HSD11B1: variants seen among roughly 807,000 people sequenced by gnomAD.
The protein encoded by HSD11B1 is 11-beta-hydroxysteroid dehydrogenase 1.
In HSD11B1, 15 loss-of-function variants were observed where a neutral mutation model predicts 22.1. That is an observed-to-expected ratio of 0.68 (90% CI 0.45 to 1.04). The LOEUF (loss-of-function observed/expected upper bound fraction) is 1.04, where lower values mean the gene tolerates loss of function less well. Ranked by LOEUF, HSD11B1 falls within the 50% of genes least tolerant of loss-of-function variation. The pLI is 0.00. For synonymous variants in HSD11B1, 122 were observed against 125.2 expected (o/e 0.97, Z 0.17); for missense variants, 281 against 357.6 (o/e 0.79, Z 1.73).
chr1:209,707,024 A>G lies in HSD11B1; in HGVS notation c.413A>G (p.Lys138Arg). ...LFHDDIHHVR[K>R]SMEVNFLSYV... is the part of the protein sequence containing the mutation. ...CATGATGATATTCACCATGTGCGCA[A>G]AAGCATGGAAGTCAACTTCCTCAGT... is the stretch of plus-strand genomic sequence containing the variant. The change falls in exon 4 of 6, where the codon AAA becomes AGA. Residue 138 changes from lysine (K) to arginine (R), a missense_variant. Transcript: ENST00000367027. 6.2e-7 allele frequency: 1 copy of G among 1,614,092 alleles called. No individual in the cohort carries two copies. Among genetic ancestry groups the G allele is most frequent in the Non-Finnish European group, 8.5e-7 (1 of 1,179,952 alleles).
At chr1:209,706,000 T>A in intron 2 of HSD11B1, 59 bp downstream of exon 2, 1 of 1,598,968 alleles carries the variant, frequency 6.3e-7, no homozygotes, top group Non-Finnish European at 8.6e-7. Context: ...TGTTCTTATA[T>A]ATGCTCACAT....
chr1:209,703,783 A>C (rs1173254518), upstream of HSD11B1, among the ~76,000 whole-genome samples: 1 of 152,172 alleles, frequency 6.6e-6, no homozygotes, highest in East Asian at 1.9e-4. Context: ...CGCTCTACTG[A>C]TAACTTACAG....
At position 209,732,584 on chromosome 1, in the gene HSD11B1, G is replaced by A. The variant is rs753421361; in HGVS notation, c.661+5G>A. On this transcript the variant is annotated splice_donor_5th_base_variant and intron_variant, in intron 5 of 5. Coordinates refer to ENST00000367027, the MANE Select transcript of HSD11B1 (RefSeq NM_005525.4). The stretch of plus-strand genomic sequence containing the variant: ...TTCTTGGCCTCATAGACACAGGTAA[G>A]GTCAATACTTTGTGTTTTTTTTTAA... 1.2e-6 allele frequency: 2 copies of A among 1,611,678 alleles called. No individual in the cohort carries two copies. The highest frequency in any genetic ancestry group is 1.7e-6 in the Non-Finnish European group (2 of 1,177,952).
chr1:209,709,023 T>A (rs974351177), intron 4 of HSD11B1, among the ~76,000 whole-genome samples: 8 of 152,240 alleles, frequency 5.3e-5, no homozygotes, highest in African/African-American at 1.9e-4. Context: ...GAATATTCTC[T>A]GCTTTATGAT....
Position 209,734,477 on chromosome 1 carries a change from C to T in HSD11B1, c.835C>T (p.Leu279Phe). Reference sequence around the variant, plus strand: ...TCCATGCAGGAAGATCCTGGAATTTCTCTACTCAACGAGCTATAATATGGA... The same window carrying T: ...TCCATGCAGGAAGATCCTGGAATTTTTCTACTCAACGAGCTATAATATGGA... ...RNPCRKILEF[L>F]YSTSYNMDRF... The change falls in exon 6 of 6, where the codon CTC (leucine) becomes TTC (phenylalanine). Residue 279 changes from leucine to phenylalanine, a missense_variant. Coordinates refer to ENST00000367027, the MANE Select transcript of HSD11B1 (RefSeq NM_005525.4). The T allele has an allele frequency of 6.2e-7, 1 of 1,614,076 alleles. No homozygotes were observed. Among genetic ancestry groups the T allele is most frequent in the East Asian group, 2.2e-5 (1 of 44,874 alleles).
At chr1:209,711,823 G>T (rs2076897871) in intron 4 of HSD11B1, among the ~76,000 whole-genome samples, 1 of 152,196 alleles carries the variant, frequency 6.6e-6, no homozygotes, top group Non-Finnish European at 1.5e-5. Context: ...TAGGAATTCA[G>T]TTCTGCATCA....
Position 209,732,892 on chromosome 1 carries a change from C to T in HSD11B1, c.661+313C>T, listed in dbSNP as rs138044312. Among the ~76,000 whole-genome samples the T allele has an allele frequency of 2.6e-5, 4 of 152,240 alleles. 1 individual carries two copies. The highest frequency in any genetic ancestry group is 9.6e-5 in the African/African-American group (4 of 41,532). ...TAATGACCTGCAGATGAACTGTCTG[C>T]CTTACCATTGTGGATAAACAAGGGT... is the stretch of plus-strand genomic sequence containing the variant. On this transcript the variant is annotated intron_variant, in intron 5 of 5. Transcript: ENST00000367027.
At chr1:209,709,795 G>A (rs1246231771) in intron 4 of HSD11B1, among the ~76,000 whole-genome samples, 2 of 152,240 alleles carry the variant, frequency 1.3e-5, no homozygotes, top group Non-Finnish European at 2.9e-5. Flanking sequence ...AAGGGAACAT[G>A]TGTCCAACTA....
chr1:209,707,033 A>G lies in HSD11B1; in HGVS notation c.422A>G (p.Glu141Gly), dbSNP rs772708921. 2.5e-6 allele frequency: 4 copies of G among 1,614,124 alleles called. No homozygotes were observed. Among genetic ancestry groups the G allele is most frequent in the Non-Finnish European group, 3.4e-6 (4 of 1,179,956 alleles). ...DDIHHVRKSM[E>G]VNFLSYVVLT... is the part of the protein sequence containing the mutation. The stretch of plus-strand genomic sequence containing the variant: ...ATTCACCATGTGCGCAAAAGCATGG[A>G]AGTCAACTTCCTCAGTTACGTGGTC... Residue 141 changes from glutamate to glycine, a missense_variant, in exon 4 of 6, where the codon GAA (glutamate) becomes GGA (glycine). Physicochemically the swap from Glu to Gly is moderately conservative, Grantham distance 98 (BLOSUM62 -2). Coordinates refer to ENST00000367027, the MANE Select transcript of HSD11B1 (RefSeq NM_005525.4).
At chr1:209,718,757 C>T (rs571943420) in intron 4 of HSD11B1, among the ~76,000 whole-genome samples, 3 of 152,012 alleles carry the variant, frequency 2.0e-5, no homozygotes, top group South Asian at 4.2e-4. Flanking sequence ...AGCAGGAGGC[C>T]GGGTGTGGTG....
intron 4 of HSD11B1, among the ~76,000 whole-genome samples, chr1:209,720,557 T>G (rs986098844): frequency 6.6e-6 from 1 of 150,604 alleles, no homozygotes; most frequent in African/African-American, 2.5e-5. Context: ...CAATCTAGTA[T>G]GAGCCAGCTT....
intron 4 of HSD11B1, among the ~76,000 whole-genome samples, chr1:209,713,375 A>G (rs780409078): frequency 5.3e-5 from 8 of 152,170 alleles, no homozygotes; most frequent in Admixed American, 1.3e-4. Context: ...TCATTTTCCA[A>G]ATTTTCATTG....
chr1:209,712,657 T>C (rs556360908), intron 4 of HSD11B1, among the ~76,000 whole-genome samples: 8 of 152,236 alleles, frequency 5.3e-5, no homozygotes, highest in Non-Finnish European at 8.8e-5. Flanking sequence ...ATGATTCTTA[T>C]ATTCATTTAA....
chr1:209,689,356 G>A (rs1268732820), intron 1 of HSD11B1, among the ~76,000 whole-genome samples: 1 of 152,148 alleles, frequency 6.6e-6, no homozygotes, highest in Admixed American at 6.5e-5. Context: ...AAACCGCCAG[G>A]GGCCTTCTGG....
chr1:209,721,993 C>T (rs890507830), intron 4 of HSD11B1, among the ~76,000 whole-genome samples: 4 of 152,152 alleles, frequency 2.6e-5, no homozygotes, highest in Non-Finnish European at 4.4e-5. Context: ...CTGCCCTGAG[C>T]GTCGGTGGAT....
rs761208256 is a variant in HSD11B1, at chr1:209,688,529, CAGTA to C, written c.-49+2249_-49+2252del. ...ACAATTCCAGAGATGTATTAGTGCTCAGTAAGTATTTTTTTAAATGGACGAACAA... is the reference window on the plus strand; with the variant it reads ...ACAATTCCAGAGATGTATTAGTGCTCAGTATTTTTTTAAATGGACGAACAA... On this transcript the variant is annotated intron_variant, in intron 1 of 6. Coordinates refer to the HSD11B1 transcript ENST00000261465. 3.9e-4 allele frequency among the ~76,000 whole-genome samples: 59 copies of C among 152,266 alleles called. 1 individual carries two copies. Among genetic ancestry groups the C allele is most frequent in the Admixed American group, 2.4e-3 (36 of 15,300 alleles).
rs187590471 is a variant in HSD11B1, at chr1:209,692,229, C to T, written c.-49+5944C>T. On this transcript the variant is annotated intron_variant, in intron 1 of 6. Transcript: ENST00000261465. Reference sequence around the variant, plus strand: ...TACCTAATTACCCAAAGTAGAAGTTCGGACCGGTATGTCTACAGGTTACTT... The same window carrying T: ...TACCTAATTACCCAAAGTAGAAGTTTGGACCGGTATGTCTACAGGTTACTT... Among the ~76,000 whole-genome samples the T allele has an allele frequency of 2.6e-3, 391 of 152,228 alleles. 7 individuals carry two copies. Among genetic ancestry groups the T allele is most frequent in the Non-Finnish European group, 9.1e-4 (62 of 68,008 alleles).
intron 4 of HSD11B1, among the ~76,000 whole-genome samples, chr1:209,727,277 C>G (rs1428263043): frequency 3.3e-5 from 5 of 152,134 alleles, no homozygotes. Flanking sequence ...TTGGGGGGAG[C>G]ATGGCTGTGC....
chr1:209,699,176 A>G (rs1440813560), intron 1 of HSD11B1, among the ~76,000 whole-genome samples: 1 of 152,056 alleles, frequency 6.6e-6, no homozygotes, highest in Non-Finnish European at 1.5e-5. Flanking sequence ...CTTTCTATAG[A>G]CAGGAAAAGA....
Sources: gnomAD v4.1 joint callset for allele counts (sites outside exome capture counted in the v4.1 genomes callset) on GRCh38, gnomAD v4.1.1 for gene constraint, MANE v1.5 for transcripts, NCBI Gene and HGNC (gene_info 2026-07-23, HGNC 2026-07-21) for gene names.